PBLD: variants seen among roughly 807,000 people sequenced by gnomAD.
PBLD encodes the protein phenazine biosynthesis like protein domain containing.
PBLD carries 26 observed loss-of-function variants against 31.3 expected under a neutral mutation model. That is an observed-to-expected ratio of 0.83 (90% CI 0.61 to 1.15). PBLD has a LOEUF of 1.15. Ranked by LOEUF, PBLD falls within the 50% of genes most tolerant of loss-of-function variation. PBLD has a pLI of 0.00. For synonymous variants in PBLD, 114 were observed against 129.0 expected, an observed-to-expected ratio of 0.88 and a Z score of 0.79; for missense variants, 307 against 351.7, an observed-to-expected ratio of 0.87 and a Z score of 1.02.
intron 2 of PBLD, 88 bp from the exon 3 acceptor site, chr10:68,297,073 T>G: frequency 9.8e-7 from 1 of 1,021,722 alleles, no homozygotes; most frequent in Non-Finnish European, 1.5e-6. Flanking sequence ...TAAAAAGCAG[T>G]TTAGCAATAA....
chr10:68,306,706 T>G (rs1589661210), intron 2 of PBLD, 55 bp downstream of exon 2: 1 of 1,485,476 alleles, frequency 6.7e-7, no homozygotes. Context: ...AATAAGTAAT[T>G]GTTTCTACAG....
intron 1 of PBLD, among the ~76,000 whole-genome samples, chr10:68,324,396 C>T (rs2044882651): frequency 6.6e-6 from 1 of 151,800 alleles, no homozygotes; most frequent in Non-Finnish European, 1.5e-5. Context: ...AGGATGGTCT[C>T]GATCTCTTGA....
intron 1 of PBLD, among the ~76,000 whole-genome samples, chr10:68,324,314 C>A (rs1350311728): frequency 6.6e-6 from 1 of 151,350 alleles, no homozygotes; most frequent in East Asian, 2.0e-4. Flanking sequence ...GTAGCTGGGA[C>A]TACAGGTGCG....
In PBLD at chr10:68,311,226, A is replaced by T. The variant is rs576318579; in HGVS notation, c.-59-4323T>A. ...CACTTTGGGAAACCGAGGCAGGTGG[A>T]TCAAGTCAGGAGTTCCAGACCAGCC... is the stretch of plus-strand genomic sequence containing the variant. On this transcript the variant is annotated intron_variant, in intron 1 of 9. Transcript: ENST00000358769. Among the ~76,000 whole-genome samples the T allele has an allele frequency of 5.9e-5, 9 of 152,276 alleles. No homozygotes were observed. The East Asian group carries it at 1.5e-3, about 26-fold the overall frequency.
chr10:68,326,990 T>G (rs2044931508), intron 1 of PBLD, among the ~76,000 whole-genome samples: 2 of 151,874 alleles, frequency 1.3e-5, no homozygotes, highest in South Asian at 4.2e-4. Context: ...AGGGTTGCAG[T>G]GAGCTGAGAT....
At chr10:68,320,172 G>A (rs1399468772) in intron 1 of PBLD, among the ~76,000 whole-genome samples, 3 of 151,856 alleles carry the variant, frequency 2.0e-5, no homozygotes, top group African/African-American at 7.3e-5. Context: ...ATAAAAGAGT[G>A]GAAAAAAGAT....
chr10:68,318,524 T>TAAA (rs200095770), intron 1 of PBLD, among the ~76,000 whole-genome samples: 6 of 139,546 alleles, frequency 4.3e-5, no homozygotes, highest in African/African-American at 1.0e-4. Flanking sequence ...CTGTCTCTTT[T>TAAA]AAAAAAAAAA....
At chr10:68,329,616 A>T (rs546368602) in intron 1 of PBLD, among the ~76,000 whole-genome samples, 9 of 147,380 alleles carry the variant, frequency 6.1e-5, no homozygotes, top group South Asian at 2.1e-4. Flanking sequence ...TTTTTTTTTT[A>T]AAAGGAGGGA....
intron 7 of PBLD, 67 bp from the exon 8 acceptor site, chr10:68,288,728 G>A: frequency 6.5e-7 from 1 of 1,538,196 alleles, no homozygotes; most frequent in Admixed American, 1.8e-5. Context: ...CAGACTCTGT[G>A]AAGCAGGCCA....
intron 1 of PBLD, among the ~76,000 whole-genome samples, chr10:68,314,101 C>T (rs539102283): frequency 3.2e-4 from 49 of 151,696 alleles, no homozygotes; most frequent in Middle Eastern, 6.8e-3. Flanking sequence ...CTCAGCCTCC[C>T]GAGTAGCTGG....
intron 1 of PBLD, among the ~76,000 whole-genome samples, chr10:68,324,896 G>A (rs371824229): frequency 7.3e-5 from 11 of 151,406 alleles, no homozygotes; most frequent in Non-Finnish European, 1.0e-4. Context: ...GATTACAGGC[G>A]TGAGCCATCA....
At chr10:68,298,978 G>A (rs779542042) in intron 2 of PBLD, among the ~76,000 whole-genome samples, 16 of 151,698 alleles carry the variant, frequency 1.1e-4, no homozygotes, top group East Asian at 5.8e-4. Flanking sequence ...GTGGTGGCAC[G>A]CGCCTGTAAT....
At chr10:68,323,939 C>T (rs930658190) in intron 1 of PBLD, among the ~76,000 whole-genome samples, 1 of 152,154 alleles carries the variant, frequency 6.6e-6, no homozygotes, top group African/African-American at 2.4e-5. Context: ...AATCTACATT[C>T]CTATCCAGAT....
chr10:68,299,729 G>C (rs1330383520), intron 2 of PBLD, among the ~76,000 whole-genome samples: 1 of 151,878 alleles, frequency 6.6e-6, no homozygotes, highest in African/African-American at 2.4e-5. Flanking sequence ...GGTGGTGCGC[G>C]CCTGTAATCC....
intron 2 of PBLD, among the ~76,000 whole-genome samples, chr10:68,300,401 G>A (rs1481518475): frequency 2.6e-5 from 4 of 152,236 alleles, no homozygotes; most frequent in East Asian, 1.9e-4. Context: ...GAAAACAAAC[G>A]TCTAGCAGAG....
intron 8 of PBLD, among the ~76,000 whole-genome samples, chr10:68,285,905 T>A (rs2044281138): frequency 6.9e-5 from 1 of 14,524 alleles, no homozygotes; most frequent in African/African-American, 1.2e-4. Context: ...GGTCTCGAAC[T>A]CCTGATCTCA....
At chr10:68,311,848 G>A (rs1460509539) in intron 1 of PBLD, among the ~76,000 whole-genome samples, 1 of 152,140 alleles carries the variant, frequency 6.6e-6, no homozygotes, top group Admixed American at 6.5e-5. Context: ...TAGGAAGATG[G>A]CAAATACTGG....
Position 68,296,824 on chromosome 10 carries a change from A to C in PBLD, c.184+62T>G, listed in dbSNP as rs573902200. On this transcript the variant is annotated intron_variant, in intron 3 of 9. Transcript: ENST00000358769. ...GCGGAGGTTGCAGTGAGTCAAGATCATGCCACTGCACTCCAGCCCGTGCGA... is the reference window on the plus strand; with the variant it reads ...GCGGAGGTTGCAGTGAGTCAAGATCCTGCCACTGCACTCCAGCCCGTGCGA... The C allele has an allele frequency of 4.6e-4, 640 of 1,386,796 alleles. 3 individuals carry two copies. Among genetic ancestry groups the C allele is most frequent in the Middle Eastern group, 3.4e-3 (19 of 5,606 alleles). 85.9% of individuals were successfully genotyped at this position (1,386,796 alleles called of 1,614,324 possible). A position where few individuals can be genotyped will look rare whatever the true frequency, so the allele number is the denominator to read the frequency against.
chr10:68,284,087 C>A lies in PBLD; in HGVS notation c.*90G>T, dbSNP rs1032979750. The A allele has an allele frequency of 8.3e-7, 1 of 1,206,766 alleles. No individual in the cohort carries two copies. Among genetic ancestry groups the A allele is most frequent in the South Asian group, 1.3e-5 (1 of 74,198 alleles). 74.8% of individuals were successfully genotyped at this position (1,206,766 alleles called of 1,614,324 possible). A position where few individuals can be genotyped will look rare whatever the true frequency, so the allele number is the denominator to read the frequency against. ...AACATGAGGATTAAGTAGACTACTA[C>A]GCACATTTGCTAAAGGCAGCCCCTT... On this transcript the variant is annotated 3_prime_UTR_variant, in exon 10 of 10. Coordinates refer to ENST00000358769, the MANE Select transcript of PBLD (RefSeq NM_022129.4).
Sources: allele counts gnomAD v4.1 joint callset (sites outside exome capture counted in the v4.1 genomes callset), GRCh38; gene constraint gnomAD v4.1.1; transcripts MANE v1.5; gene names NCBI Gene and HGNC (gene_info 2026-07-23, HGNC 2026-07-21).